The following NEDD4L variants were observed in gnomAD, a reference collection of about 807,000 sequenced individuals.
The protein encoded by NEDD4L is E3 ubiquitin-protein ligase NEDD4-like.
In NEDD4L, 54 loss-of-function variants were observed where a neutral mutation model predicts 148.9. The ratio of observed to expected loss-of-function variants is 0.36; its 90% CI spans 0.29 to 0.45. The LOEUF is 0.45. Among genes scored for constraint, NEDD4L ranks in the 20% least tolerant of loss-of-function variants. NEDD4L has a pLI of 1.00. For synonymous variants in NEDD4L, 433 were observed against 440.7 expected, an observed-to-expected ratio of 0.98 and a Z score of 0.22; for missense variants, 856 against 1,233.8, an observed-to-expected ratio of 0.69 and a Z score of 4.59.
At chr18:58,154,218 A>G (rs943380958) in intron 1 of NEDD4L, among the ~76,000 whole-genome samples, 1 of 152,248 alleles carries the variant, frequency 6.6e-6, no homozygotes, top group African/African-American at 2.4e-5. Context: ...CTGGCTTTGC[A>G]GGATTCCCTG....
chr18:58,131,524 GT>G (rs1209485693), intron 1 of NEDD4L, among the ~76,000 whole-genome samples: 4 of 151,466 alleles, frequency 2.6e-5, no homozygotes, highest in African/African-American at 4.9e-5. Flanking sequence ...CTCTGTTGGG[GT>G]TTGGTTGTGA....
intron 9 of NEDD4L, among the ~76,000 whole-genome samples, chr18:58,327,838 G>GT (rs916136794): frequency 2.6e-4 from 39 of 151,812 alleles, no homozygotes; most frequent in African/African-American, 9.4e-4. Context: ...ATCTGTGAGA[G>GT]TTTTCCCTGA....
chr18:58,250,033 T>C (rs1386429044), intron 4 of NEDD4L, among the ~76,000 whole-genome samples: 5 of 152,284 alleles, frequency 3.3e-5, no homozygotes, highest in Non-Finnish European at 7.3e-5. Flanking sequence ...AGTGGAACAC[T>C]GGCACAGTTA....
chr18:58,324,314 T>C (rs10503022), intron 8 of NEDD4L, among the ~76,000 whole-genome samples: 30,614 of 152,216 alleles, frequency 0.2, 3,399 homozygotes, highest in Middle Eastern at 0.3. Context: ...ATGCCTAAAA[T>C]ACGTGCTGTA....
intron 18 of NEDD4L, 131 bp downstream of exon 18, chr18:58,351,176 C>A: frequency 1.3e-6 from 2 of 1,508,176 alleles, no homozygotes; most frequent in Non-Finnish European, 1.8e-6. Flanking sequence ...GAAAATGATA[C>A]CAGAGAATCA....
chr18:58,097,791 G>T (rs1265201570), intron 1 of NEDD4L, among the ~76,000 whole-genome samples: 1 of 152,092 alleles, frequency 6.6e-6, no homozygotes, highest in African/African-American at 2.4e-5. Flanking sequence ...CAGCACTTTG[G>T]GAGACTCAGG....
intron 1 of NEDD4L, among the ~76,000 whole-genome samples, chr18:58,068,582 A>C (rs1037569271): frequency 6.6e-6 from 1 of 152,198 alleles, no homozygotes; most frequent in Non-Finnish European, 1.5e-5. Flanking sequence ...CAGATGGAAA[A>C]ATGATTTACT....
At chr18:58,074,931 T>C (rs1247271031) in intron 1 of NEDD4L, among the ~76,000 whole-genome samples, 1 of 152,100 alleles carries the variant, frequency 6.6e-6, no homozygotes, top group Non-Finnish European at 1.5e-5. Context: ...AAAAGAGGCA[T>C]TGATAATTCA....
At chr18:58,061,228 G>T (rs2082317074) in intron 1 of NEDD4L, among the ~76,000 whole-genome samples, 1 of 152,144 alleles carries the variant, frequency 6.6e-6, no homozygotes, top group Admixed American at 6.5e-5. Flanking sequence ...TGTAGTATCA[G>T]TTTTACGTGG....
chr18:58,137,398 G>A (rs1264160768), intron 1 of NEDD4L, among the ~76,000 whole-genome samples: 1 of 152,226 alleles, frequency 6.6e-6, no homozygotes, highest in African/African-American at 2.4e-5. Flanking sequence ...GAGGGCAGTG[G>A]AGAAGGGGAG....
intron 18 of NEDD4L, among the ~76,000 whole-genome samples, chr18:58,351,550 G>A (rs1012753120): frequency 3.9e-5 from 6 of 152,174 alleles, no homozygotes; most frequent in Admixed American, 6.5e-5. Context: ...TCTGGAAATT[G>A]TAGTATATTT....
chr18:58,167,539 C>G (rs1031898357), intron 2 of NEDD4L, among the ~76,000 whole-genome samples: 4 of 152,266 alleles, frequency 2.6e-5, no homozygotes, highest in African/African-American at 9.6e-5. Context: ...CTTTCCTCTC[C>G]TAATCCCTCT....
intron 2 of NEDD4L, among the ~76,000 whole-genome samples, chr18:58,243,010 T>C (rs925972673): frequency 1.6e-4 from 24 of 152,370 alleles, no homozygotes; most frequent in African/African-American, 5.5e-4. Flanking sequence ...CTGGAAGATA[T>C]GGTGTCCCAC....
intron 5 of NEDD4L, among the ~76,000 whole-genome samples, chr18:58,275,103 A>G (rs1381615120): frequency 6.6e-6 from 1 of 152,236 alleles, no homozygotes; most frequent in African/African-American, 2.4e-5. Flanking sequence ...GTAATAGCCT[A>G]CTGTTGACAG....
intron 11 of NEDD4L, 75 bp from the exon 12 acceptor site, chr18:58,333,743 A>G (rs1266308485): frequency 2.0e-6 from 2 of 976,186 alleles, no homozygotes; most frequent in Non-Finnish European, 3.3e-6. Context: ...GTTGAGTGAT[A>G]TGTTTGTTAA....
chr18:58,382,192 C>T (rs867852856), intron 24 of NEDD4L, among the ~76,000 whole-genome samples: 1 of 152,150 alleles, frequency 6.6e-6, no homozygotes, highest in African/African-American at 2.4e-5. Context: ...GTGGAGAAGC[C>T]GCATGAGAGA....
rs546855611 is a variant in NEDD4L, at chr18:58,338,612, GC to G, written c.1126-2425del. Among the ~76,000 whole-genome samples the G allele has an allele frequency of 5.9e-5, 9 of 152,254 alleles. No homozygotes were observed. The East Asian group carries it at 1.7e-3, about 29-fold the overall frequency. ...AAACTGATTAGTGCTATTCACTGTG[GC>G]TGTATGAAAGTAACCTGTATGGCCA... On this transcript the variant is annotated intron_variant, in intron 13 of 30. Transcript: ENST00000400345.
chr18:58,090,827 GTTCT>G (rs2084033796), intron 1 of NEDD4L: 2 of 152,208 alleles, frequency 1.3e-5, no homozygotes, highest in Non-Finnish European at 2.9e-5. Flanking sequence ...TTTGTCGCTT[GTTCT>G]TTCTGTAGAA....
At chr18:58,074,432 GT>G (rs1252764994) in intron 1 of NEDD4L, among the ~76,000 whole-genome samples, 10 of 110,706 alleles carry the variant, frequency 9.0e-5, no homozygotes, top group Admixed American at 4.6e-4. Flanking sequence ...CTAATTTTTT[GT>G]ATTTTTTTTT....
Sources: allele counts gnomAD v4.1 joint callset (sites outside exome capture counted in the v4.1 genomes callset), GRCh38; gene constraint gnomAD v4.1.1; transcripts MANE v1.5; gene names NCBI Gene and HGNC (gene_info 2026-07-23, HGNC 2026-07-21).